The following WFDC1 variants were observed in gnomAD, a reference collection of about 807,000 sequenced individuals.
The protein encoded by WFDC1 is WAP four-disulfide core domain 1, also known as WAP four-disulfide core domain protein 1.
Under a neutral mutation model 32.9 loss-of-function variants are expected in WFDC1, and 39 were observed. The observed-to-expected ratio is 1.19, with a 90% CI of 0.92 to 1.55. The LOEUF (loss-of-function observed/expected upper bound fraction) is 1.55. WFDC1 is among the 40% of genes most tolerant of loss of function. The probability of loss-of-function intolerance (pLI) is 0.00; values close to 1 mark genes in which losing one functional copy is unlikely to be tolerated. For missense variants in WFDC1, 386 were observed against 309.5 expected, an observed-to-expected ratio of 1.25 and a Z score of -1.85; for synonymous variants, 184 against 137.4, an observed-to-expected ratio of 1.34 and a Z score of -2.37.
At position 84,294,924 on chromosome 16, in the gene WFDC1, G is replaced by A. The variant is rs1906491341; in HGVS notation, c.-48G>A. Reference sequence around the variant, plus strand: ...CCACTCACAGGCCCACGCAGCGAGGGGGGCCCCTCTTCTGTGTGCGTCTGG... The same window carrying A: ...CCACTCACAGGCCCACGCAGCGAGGAGGGCCCCTCTTCTGTGTGCGTCTGG... On this transcript the variant is annotated 5_prime_UTR_variant, in exon 1 of 7. Transcript: ENST00000219454. 1 of 1,585,146 alleles carries A rather than the reference G, an allele frequency of 6.3e-7. No individual in the cohort carries two copies.
At chr16:84,306,224 A>G (rs1299696851) in intron 1 of WFDC1, among the ~76,000 whole-genome samples, 3 of 152,126 alleles carry the variant, frequency 2.0e-5, no homozygotes, top group Non-Finnish European at 4.4e-5. Flanking sequence ...TCGCACAGCC[A>G]TGGGGTTCAA....
chr16:84,307,736 C>T (rs1288877870), intron 1 of WFDC1, among the ~76,000 whole-genome samples: 1 of 152,166 alleles, frequency 6.6e-6, no homozygotes, highest in East Asian at 1.9e-4. Context: ...TATTCTTAAC[C>T]ACCCTCCGAA....
At chr16:84,316,724 T>C (rs768196814) in intron 2 of WFDC1, 2 of 152,260 alleles carry the variant, frequency 1.3e-5, no homozygotes, top group African/African-American at 2.4e-5. Flanking sequence ...ATGCCTGTGA[T>C]ACCAGCACTT....
intron 4 of WFDC1, among the ~76,000 whole-genome samples, chr16:84,323,796 G>A (rs1908435569): frequency 6.6e-6 from 1 of 152,210 alleles, no homozygotes; most frequent in Admixed American, 6.5e-5. Context: ...TCAACAGTGT[G>A]TTGAAATTTG....
chr16:84,315,424 C>T (rs1907891720), intron 2 of WFDC1, among the ~76,000 whole-genome samples: 1 of 152,340 alleles, frequency 6.6e-6, no homozygotes, highest in East Asian at 1.9e-4. Flanking sequence ...TCATTCACTG[C>T]TGTAACCCCA....
rs12933084 is a variant in WFDC1, at chr16:84,326,927, A to C, written c.650A>C (p.Lys217Thr). The C allele has an allele frequency of 6.2e-7, 1 of 1,613,700 alleles. No individual in the cohort carries two copies. The highest frequency in any genetic ancestry group is 2.2e-5 in the East Asian group (1 of 44,816). Reference sequence around the variant, plus strand: ...GCAGAACCTGGAAGGGGACAACAGAAGCACTTTCAGTAAAGCAACGGCAAG... The same window carrying C: ...GCAGAACCTGGAAGGGGACAACAGACGCACTTTCAGTAAAGCAACGGCAAG... Reference protein sequence around the residue: ...NVAEPGRGQQKHFQ With the variant: ...NVAEPGRGQQTHFQ Residue 217 changes from lysine (K) to threonine (T), a missense_variant, in exon 6 of 7, where the codon AAG becomes ACG. By Grantham distance (78) the Lys-to-Thr change is moderately conservative. Coordinates refer to ENST00000219454, the MANE Select transcript of WFDC1 (RefSeq NM_021197.4).
At chr16:84,310,412 G>C (rs1414223733) in intron 1 of WFDC1, among the ~76,000 whole-genome samples, 1 of 152,160 alleles carries the variant, frequency 6.6e-6, no homozygotes, top group African/African-American at 2.4e-5. Flanking sequence ...AGCTTTGTGA[G>C]GTTCTGTGAG....
intron 2 of WFDC1, among the ~76,000 whole-genome samples, chr16:84,314,690 G>A (rs894241876): frequency 6.6e-6 from 1 of 152,216 alleles, no homozygotes; most frequent in Non-Finnish European, 1.5e-5. Flanking sequence ...GCAGGAACTG[G>A]CCGCTGCTCC....
In WFDC1 at chr16:84,302,681, C is replaced by G. The variant is rs1308206382; in HGVS notation, c.144+7566C>G. 3.3e-5 allele frequency among the ~76,000 whole-genome samples: 5 copies of G among 152,304 alleles called. No homozygotes were observed. The South Asian group carries it at 8.3e-4, about 25-fold the overall frequency. On this transcript the variant is annotated intron_variant, in intron 1 of 6. Coordinates refer to ENST00000219454, the MANE Select transcript of WFDC1 (RefSeq NM_021197.4). The stretch of plus-strand genomic sequence containing the variant: ...ATTGGCATGATTTGTTTAGGTTTCT[C>G]TCTAACTGCTTTTGCAGATGACCAC...
At chr16:84,328,596 A>C (rs1358077951) in intron 6 of WFDC1, 2 of 152,252 alleles carry the variant, frequency 1.3e-5, no homozygotes, top group Non-Finnish European at 2.9e-5. Flanking sequence ...GGGAAGAAGG[A>C]GGCCAGTGGA....
chr16:84,313,503 C>A (rs573125299), intron 2 of WFDC1, among the ~76,000 whole-genome samples: 1 of 152,324 alleles, frequency 6.6e-6, no homozygotes, highest in South Asian at 2.1e-4. Context: ...TGATAGGATG[C>A]GGGTGCAGTG....
Position 84,306,676 on chromosome 16 carries a change from G to A in WFDC1, c.145-6285G>A, listed in dbSNP as rs536116124. 2.6e-5 allele frequency among the ~76,000 whole-genome samples: 4 copies of A among 152,292 alleles called. No individual in the cohort carries two copies. In the East Asian group the frequency reaches 7.7e-4, roughly 29 times the overall value. ...TGCTCTGCAGAACCCACTGCACAGG[G>A]CCCATGTGCAGATCAGCGAGTTAAT... On this transcript the variant is annotated intron_variant, in intron 1 of 6. Coordinates refer to ENST00000219454, the MANE Select transcript of WFDC1 (RefSeq NM_021197.4).
Position 84,324,399 on chromosome 16 carries a change from T to C in WFDC1, c.563-20T>C, listed in dbSNP as rs758950758. 1.7e-5 allele frequency: 28 copies of C among 1,612,648 alleles called. No individual in the cohort carries two copies. In the Admixed American group the frequency reaches 4.0e-4, roughly 23 times the overall value. On this transcript the variant is annotated intron_variant, in intron 4 of 6. Transcript: ENST00000219454. ...TTCTAAACTCCTAAAAGAAGTTTTT[T>C]CCTCTCACTTGTTTTCCAGATGGGC... is the stretch of plus-strand genomic sequence containing the variant.
chr16:84,322,461 C>T (rs78283890), intron 4 of WFDC1, among the ~76,000 whole-genome samples: 1 of 152,142 alleles, frequency 6.6e-6, no homozygotes, highest in South Asian at 2.1e-4. Flanking sequence ...TAATTTCAGA[C>T]TTATAAAAAT....
chr16:84,299,020 A>G (rs77876938), intron 1 of WFDC1, among the ~76,000 whole-genome samples: 3,381 of 152,242 alleles, frequency 0.022, 130 homozygotes, highest in African/African-American at 0.077. Context: ...CTGGCACAGA[A>G]CTGCATTCCC....
chr16:84,300,902 G>C (rs906473529), intron 1 of WFDC1, among the ~76,000 whole-genome samples: 3 of 151,994 alleles, frequency 2.0e-5, no homozygotes, highest in African/African-American at 7.2e-5. Context: ...CCTGGGAGGC[G>C]AGGTGGACGT....
At chr16:84,312,594 ATATG>A (rs1251158273) in intron 1 of WFDC1, among the ~76,000 whole-genome samples, 1 of 152,118 alleles carries the variant, frequency 6.6e-6, no homozygotes, top group Non-Finnish European at 1.5e-5. Flanking sequence ...GTGTGTACGT[ATATG>A]TATACATGCA....
chr16:84,313,972 G>C lies in WFDC1; in HGVS notation c.337+819G>C, dbSNP rs569002411. Among the ~76,000 whole-genome samples the C allele has an allele frequency of 2.6e-5, 4 of 152,294 alleles. No individual in the cohort carries two copies. The South Asian group carries it at 8.3e-4, about 32-fold the overall frequency. ...CAGGAGAATCACTTGAACCCAGGAG[G>C]TGGAGCTTGCAGTGAGCCAAGGTTG... On this transcript the variant is annotated intron_variant, in intron 2 of 6. Transcript: ENST00000219454.
At chr16:84,319,704 C>T (rs1183813963) in intron 4 of WFDC1, 133 bp downstream of exon 4, 2 of 1,180,534 alleles carry the variant, frequency 1.7e-6, no homozygotes, top group Non-Finnish European at 2.3e-6. Context: ...GAGCTCCTCA[C>T]ATCTTCCCCC....
Sources: gnomAD v4.1 joint callset for allele counts (sites outside exome capture counted in the v4.1 genomes callset) on GRCh38, gnomAD v4.1.1 for gene constraint, MANE v1.5 for transcripts, NCBI Gene and HGNC (gene_info 2026-07-23, HGNC 2026-07-21) for gene names.